CCDC91: variants seen among roughly 807,000 people sequenced by gnomAD.
CCDC91 encodes coiled-coil domain-containing protein 91.
A neutral mutation model predicts 63.2 loss-of-function variants in CCDC91; 48 were observed. That is an observed-to-expected ratio of 0.76 (90% CI 0.60 to 0.97). The LOEUF is 0.97. Among genes scored for constraint, CCDC91 ranks in the 50% least tolerant of loss-of-function variants. The probability of loss-of-function intolerance (pLI) is 0.00; values close to 1 mark genes in which losing one functional copy is unlikely to be tolerated. For missense variants in CCDC91, 500 were observed against 494.6 expected (o/e 1.01, Z -0.10); for synonymous variants, 167 against 165.8 (o/e 1.01, Z -0.06).
rs1441278536 is a variant in CCDC91, at chr12:28,353,783, G to A, written c.577-8655G>A. Among the ~76,000 whole-genome samples, 4 of 152,194 alleles carry A rather than the reference G, an allele frequency of 2.6e-5. No individual in the cohort carries two copies. In the East Asian group the frequency reaches 7.7e-4, roughly 29 times the overall value. The stretch of plus-strand genomic sequence containing the variant: ...AGATGAACTAATAATGAAAAATTTT[G>A]AAATATTGTTACAATTACCAAGATT... On this transcript the variant is annotated intron_variant, in intron 6 of 12. Transcript: ENST00000536442.
At chr12:28,509,498 G>C (rs1939127977) in intron 12 of CCDC91, among the ~76,000 whole-genome samples, 1 of 151,790 alleles carries the variant, frequency 6.6e-6, no homozygotes, top group Admixed American at 6.6e-5. Context: ...TCTCTAGGTA[G>C]GAGTATAATA....
At chr12:28,523,779 A>G (rs977235698) in intron 12 of CCDC91, among the ~76,000 whole-genome samples, 8 of 152,150 alleles carry the variant, frequency 5.3e-5, no homozygotes, top group African/African-American at 1.7e-4. Context: ...GGTGTTGACA[A>G]AATCTCTCAG....
intron 1 of CCDC91, among the ~76,000 whole-genome samples, chr12:28,200,930 G>A (rs1213906944): frequency 2.8e-4 from 42 of 149,368 alleles, no homozygotes; most frequent in Middle Eastern, 3.6e-3. Flanking sequence ...CCTTCCGGAC[G>A]GGGCGGCTGG....
intron 1 of CCDC91, chr12:28,191,468 T>C (rs1941237354): frequency 1.3e-5 from 2 of 152,302 alleles, no homozygotes; most frequent in Admixed American, 1.3e-4. Flanking sequence ...TCTGACTCTT[T>C]CCTTCCCTCC....
At chr12:28,226,074 G>A (rs543167516) in intron 1 of CCDC91, 4 of 152,278 alleles carry the variant, frequency 2.6e-5, no homozygotes, top group Non-Finnish European at 5.9e-5. Flanking sequence ...TGTTATGTGA[G>A]ATACTAGTTA....
intron 6 of CCDC91, among the ~76,000 whole-genome samples, chr12:28,337,716 A>G (rs2137875760): frequency 6.6e-6 from 1 of 152,270 alleles, no homozygotes; most frequent in African/African-American, 2.4e-5. Flanking sequence ...TTAGAAAAAA[A>G]TACTACCTTT....
At chr12:28,343,932 G>A (rs148924812) in intron 6 of CCDC91, among the ~76,000 whole-genome samples, 1,617 of 152,120 alleles carry the variant, frequency 0.011, 14 homozygotes, top group Non-Finnish European at 0.018. Flanking sequence ...GTTTTTGCTG[G>A]CTTGCCAGCT....
At chr12:28,509,852 C>T (rs1325932777) in intron 12 of CCDC91, among the ~76,000 whole-genome samples, 2 of 151,774 alleles carry the variant, frequency 1.3e-5, no homozygotes, top group African/African-American at 4.8e-5. Context: ...ATTTCTAGTC[C>T]AAAATGTTTG....
At chr12:28,202,709 A>T (rs1223287222) in intron 1 of CCDC91, among the ~76,000 whole-genome samples, 2 of 152,208 alleles carry the variant, frequency 1.3e-5, no homozygotes, top group Non-Finnish European at 2.9e-5. Context: ...CAAGAAGTCA[A>T]AGCTTAGGTC....
At chr12:28,548,863 A>G (rs1441302936) in intron 12 of CCDC91, among the ~76,000 whole-genome samples, 200 bp from the exon 13 acceptor site, 7 of 152,344 alleles carry the variant, frequency 4.6e-5, no homozygotes, top group East Asian at 3.9e-4. Context: ...TTATAAAACT[A>G]TAATGATTAT....
chr12:28,206,226 T>C (rs1289233455), intron 1 of CCDC91, among the ~76,000 whole-genome samples: 1 of 152,210 alleles, frequency 6.6e-6, no homozygotes, highest in African/African-American at 2.4e-5. Flanking sequence ...CCCATAATTT[T>C]GTTTAAAAAA....
In CCDC91 at chr12:28,366,044, CA is replaced by C. The variant is rs778082076; in HGVS notation, c.654+3533del. On this transcript the variant is annotated intron_variant, in intron 7 of 12. Coordinates refer to ENST00000536442, the MANE Select transcript of CCDC91 (RefSeq NM_018318.5). ...ACCAAGTAAAGTAAAACAAAAATGG[CA>C]AAAGCCTAAAATGTAATGCATAGGA... Among the ~76,000 whole-genome samples the C allele has an allele frequency of 1.6e-4, 25 of 151,906 alleles. 1 individual carries two copies. The highest frequency in any genetic ancestry group is 3.2e-4 in the Non-Finnish European group (22 of 68,000).
chr12:28,466,378 C>A (rs1581630), intron 11 of CCDC91, among the ~76,000 whole-genome samples: 108,006 of 152,016 alleles, frequency 0.71, 38,786 homozygotes, highest in Middle Eastern at 0.78. Flanking sequence ...ACACTAACCA[C>A]ATTTAATCCA....
intron 8 of CCDC91, among the ~76,000 whole-genome samples, chr12:28,428,197 A>G (rs1948431004): frequency 6.6e-6 from 1 of 152,148 alleles, no homozygotes; most frequent in African/African-American, 2.4e-5. Context: ...TCATAGAAAT[A>G]TAGTTTATTT....
intron 11 of CCDC91, among the ~76,000 whole-genome samples, chr12:28,466,486 A>G (rs938058605): frequency 5.3e-5 from 8 of 152,166 alleles, no homozygotes; most frequent in African/African-American, 1.9e-4. Flanking sequence ...AGCAAATAAC[A>G]TATAATGGAG....
At chr12:28,516,286 AC>A in intron 12 of CCDC91, among the ~76,000 whole-genome samples, 2 of 151,886 alleles carry the variant, frequency 1.3e-5, no homozygotes, top group Non-Finnish European at 2.9e-5. Flanking sequence ...AATACCTAAG[AC>A]TGAGTAATTT....
chr12:28,477,672 T>G (rs1053935099), intron 11 of CCDC91, among the ~76,000 whole-genome samples: 2 of 152,124 alleles, frequency 1.3e-5, no homozygotes, highest in African/African-American at 4.8e-5. Context: ...GAAGTCAAAT[T>G]ATCCCTGTTT....
intron 8 of CCDC91, among the ~76,000 whole-genome samples, chr12:28,400,193 C>T (rs566848769): frequency 6.6e-6 from 1 of 152,320 alleles, no homozygotes; most frequent in African/African-American, 2.4e-5. Context: ...TTCTTGATTT[C>T]TGTGCACCTG....
intron 12 of CCDC91, among the ~76,000 whole-genome samples, chr12:28,501,848 G>C (rs1339894238): frequency 6.6e-6 from 1 of 150,954 alleles, no homozygotes; most frequent in Admixed American, 6.6e-5. Context: ...GACTCTTTTT[G>C]GTTGGTAAGC....
Sources: gnomAD v4.1 joint callset for allele counts (sites outside exome capture counted in the v4.1 genomes callset) on GRCh38, gnomAD v4.1.1 for gene constraint, MANE v1.5 for transcripts, NCBI Gene and HGNC (gene_info 2026-07-23, HGNC 2026-07-21) for gene names.